KCNN3: variants seen among roughly 807,000 people sequenced by gnomAD.
KCNN3 encodes small conductance calcium-activated potassium channel protein 3.
In KCNN3, 16 loss-of-function variants were observed where a neutral mutation model predicts 62.9. The ratio of observed to expected loss-of-function variants is 0.25; its 90% confidence interval spans 0.17 to 0.39. The LOEUF is 0.39. Among genes scored for constraint, KCNN3 ranks in the 10% least tolerant of loss-of-function variants. KCNN3 has a pLI of 1.00. For missense variants in KCNN3, 599 were observed against 949.4 expected, an observed-to-expected ratio of 0.63 and a Z score of 4.85; for synonymous variants, 370 against 389.2, an observed-to-expected ratio of 0.95 and a Z score of 0.58.
intron 2 of KCNN3, among the ~76,000 whole-genome samples, chr1:154,779,096 G>A (rs545024353): frequency 2.4e-4 from 37 of 152,110 alleles, no homozygotes; most frequent in African/African-American, 4.3e-4. Context: ...ATCAGAAGCC[G>A]TCCTAGACCA....
In KCNN3 at chr1:154,832,318, G is replaced by A. The variant is rs1005954427; in HGVS notation, c.934-10134C>T. Among the ~76,000 whole-genome samples, 19 of 151,820 alleles carry A rather than the reference G, an allele frequency of 1.3e-4. No individual in the cohort carries two copies. The East Asian group carries it at 1.9e-3, about 16-fold the overall frequency. ...AGCCTCCTCTGGCTTTGATGAATGC[G>A]TACCTGCCACTATGCATCAGGTTCT... On this transcript the variant is annotated intron_variant, in intron 1 of 7. Coordinates refer to ENST00000271915, the MANE Select transcript of KCNN3 (RefSeq NM_002249.6).
chr1:154,750,268 G>A (rs1364732453), intron 3 of KCNN3, among the ~76,000 whole-genome samples: 1 of 152,248 alleles, frequency 6.6e-6, no homozygotes, highest in Non-Finnish European at 1.5e-5. Context: ...AGCAGCGGCT[G>A]GAAGGGAAGG....
chr1:154,793,604 C>T (rs554448020), intron 2 of KCNN3, among the ~76,000 whole-genome samples: 1 of 152,312 alleles, frequency 6.6e-6, no homozygotes, highest in South Asian at 2.1e-4. Context: ...AAAACTCCAA[C>T]AAATCAATAT....
rs970382378 is a variant in KCNN3 at position 154,733,222 on chromosome 1, G to C, written c.1449-78C>G. On this transcript the variant is annotated intron_variant, in intron 3 of 7. Coordinates refer to ENST00000271915, the MANE Select transcript of KCNN3 (RefSeq NM_002249.6). The stretch of plus-strand genomic sequence containing the variant: ...GGGCTGTGGGCAAACCTAGAGCGGG[G>C]AAGGAAATGAGATATTTTGCTGAGG... The C allele has an allele frequency of 4.1e-6, 6 of 1,451,546 alleles. No individual in the cohort carries two copies. In the African/African-American group the frequency reaches 8.4e-5, roughly 20 times the overall value. 89.9% of individuals were successfully genotyped at this position (1,451,546 alleles called of 1,614,324 possible). A position where few individuals can be genotyped will look rare whatever the true frequency, so the allele number is the denominator to read the frequency against.
chr1:154,771,170 G>A (rs988588239), intron 3 of KCNN3, among the ~76,000 whole-genome samples: 1 of 152,180 alleles, frequency 6.6e-6, no homozygotes, highest in African/African-American at 2.4e-5. Flanking sequence ...CGAGGGTGGT[G>A]GAAGGAGGTG....
intron 4 of KCNN3, among the ~76,000 whole-genome samples, chr1:154,730,076 C>T (rs1207551294): frequency 1.3e-5 from 2 of 152,228 alleles, no homozygotes; most frequent in Admixed American, 6.5e-5. Context: ...CAGCATTGCA[C>T]ATCTTTTAGG....
intron 3 of KCNN3, among the ~76,000 whole-genome samples, chr1:154,768,510 G>A (rs567838207): frequency 1.2e-4 from 19 of 152,304 alleles, no homozygotes; most frequent in South Asian, 6.2e-4. Context: ...GGAAGTTCCC[G>A]GATGCAGTGG....
intron 2 of KCNN3, among the ~76,000 whole-genome samples, chr1:154,811,042 A>G (rs1650386195): frequency 6.6e-6 from 1 of 152,240 alleles, no homozygotes; most frequent in Non-Finnish European, 1.5e-5. Flanking sequence ...GTCGCCAAGA[A>G]TCACTGAGAT....
At chr1:154,836,079 G>A (rs1269228159) in intron 1 of KCNN3, among the ~76,000 whole-genome samples, 4 of 152,208 alleles carry the variant, frequency 2.6e-5, no homozygotes, top group African/African-American at 9.7e-5. Flanking sequence ...CTGCCAGGCA[G>A]AGCAGCCCTT....
At chr1:154,734,171 C>T (rs897596795) in intron 3 of KCNN3, among the ~76,000 whole-genome samples, 8 of 152,324 alleles carry the variant, frequency 5.3e-5, no homozygotes, top group African/African-American at 1.9e-4. Context: ...GAGCTGGTTG[C>T]AGGCTGGGTG....
chr1:154,719,011 G>T (rs910480454), intron 5 of KCNN3, among the ~76,000 whole-genome samples: 1 of 152,130 alleles, frequency 6.6e-6, no homozygotes, highest in Non-Finnish European at 1.5e-5. Context: ...TCAATGACTT[G>T]CTCTGGCCAC....
At chr1:154,747,721 T>C (rs1700970861) in intron 3 of KCNN3, among the ~76,000 whole-genome samples, 1 of 152,146 alleles carries the variant, frequency 6.6e-6, no homozygotes, top group Non-Finnish European at 1.5e-5. Flanking sequence ...ATAAATAAGG[T>C]TGGAAACTGT....
intron 1 of KCNN3, among the ~76,000 whole-genome samples, chr1:154,839,697 G>A (rs1010551348): frequency 2.6e-5 from 4 of 152,186 alleles, no homozygotes; most frequent in African/African-American, 4.8e-5. Flanking sequence ...GGGCAGACTC[G>A]GCCACAGAGC....
In KCNN3 at chr1:154,838,342, T is replaced by C. The variant is rs75754921; in HGVS notation, c.934-16158A>G. Among the ~76,000 whole-genome samples, 790 of 152,152 alleles carry C rather than the reference T, an allele frequency of 5.2e-3. 5 individuals carry two copies. Among genetic ancestry groups the C allele is most frequent in the African/African-American group, 0.018 (765 of 41,488 alleles). ...GCTCCTTCTGCTATACCATGTAGAT[T>C]CCATAGCAAGTAATTTAAGACACAA... On this transcript the variant is annotated intron_variant, in intron 1 of 7. Coordinates refer to ENST00000271915, the MANE Select transcript of KCNN3 (RefSeq NM_002249.6).
At chr1:154,837,738 A>G (rs1432804132) in intron 1 of KCNN3, among the ~76,000 whole-genome samples, 3 of 152,244 alleles carry the variant, frequency 2.0e-5, no homozygotes, top group Non-Finnish European at 4.4e-5. Flanking sequence ...AGAGCAAAGG[A>G]AAAAGCTCAC....
rs1648606208 is a variant in KCNN3 at position 154,772,471 on chromosome 1, A to AGGCTGGGGCAGGC, written c.1030-91_1030-79dup. The AGGCTGGGGCAGGC allele has an allele frequency of 3.5e-6, 5 of 1,411,118 alleles. No individual in the cohort carries two copies. Among genetic ancestry groups the AGGCTGGGGCAGGC allele is most frequent in the Non-Finnish European group, 5.0e-6 (5 of 1,010,010 alleles). The allele number at this position is 1,411,118 out of a possible 1,614,324, so 87.4% of individuals were successfully genotyped here. ...AGGGTCCAGGCAGGACAGGTGGGGC[A>AGGCTGGGGCAGGC]GGCTGGGGCAGGCTGCTGGGCTCAG... On this transcript the variant is annotated intron_variant, in intron 2 of 7. Transcript: ENST00000271915. This position sits in a 1 kb window ranked among gnomAD's most constrained non-coding sequence, Gnocchi z 5.6.
chr1:154,705,795 G>C lies in KCNN3; in HGVS notation c.*2181C>G, dbSNP rs1282589698. The C allele has an allele frequency of 6.6e-6, 1 of 152,240 alleles. No homozygotes were observed. The highest frequency in any genetic ancestry group is 1.9e-4 in the East Asian group (1 of 5,206). 9.4% of individuals were successfully genotyped at this position (152,240 alleles called of 1,614,324 possible). A position where few individuals can be genotyped will look rare whatever the true frequency, so the allele number is the denominator to read the frequency against. On this transcript the variant is annotated 3_prime_UTR_variant, in exon 8 of 8. Coordinates refer to ENST00000271915, the MANE Select transcript of KCNN3 (RefSeq NM_002249.6). ...GGTGGGTAGGAATCACCAGTTGAAGGCTGTAGGTTTAAATGATCAGGATTG... is the reference window on the plus strand; with the variant it reads ...GGTGGGTAGGAATCACCAGTTGAAGCCTGTAGGTTTAAATGATCAGGATTG...
chr1:154,791,162 G>A (rs1368707547), intron 2 of KCNN3, among the ~76,000 whole-genome samples: 1 of 148,876 alleles, frequency 6.7e-6, no homozygotes, highest in Non-Finnish European at 1.5e-5. Context: ...CTGGGAGGCA[G>A]AGGTTGCAGC....
At chr1:154,759,657 C>A (rs1571247328) in intron 3 of KCNN3, among the ~76,000 whole-genome samples, 1 of 152,154 alleles carries the variant, frequency 6.6e-6, no homozygotes, top group African/African-American at 2.4e-5. Flanking sequence ...GAATTCATTC[C>A]AGTGACAAAG....
Sources: allele counts gnomAD v4.1 joint callset (sites outside exome capture counted in the v4.1 genomes callset), GRCh38; gene constraint gnomAD v4.1.1; non-coding constraint Gnocchi (gnomAD v3.1); transcripts MANE v1.5; gene names NCBI Gene and HGNC (gene_info 2026-07-23, HGNC 2026-07-21).